Variants in DDX54 observed in about 807,000 individuals in gnomAD.
DDX54 encodes the protein DEAD-box helicase 54.
A neutral mutation model predicts 105.5 loss-of-function variants in DDX54; 67 were observed. The ratio of observed to expected loss-of-function variants is 0.64; its 90% CI spans 0.52 to 0.78. DDX54 has a LOEUF of 0.78. Among genes scored for constraint, DDX54 ranks in the 30% least tolerant of loss-of-function variants. The pLI, the probability that DDX54 is intolerant of heterozygous loss-of-function variation, is 0.00. For synonymous variants in DDX54, 514 were observed against 509.9 expected (o/e 1.01, Z -0.11); for missense variants, 1,206 against 1,230.5 (o/e 0.98, Z 0.30).
In DDX54 at chr12:113,175,110, CGGGCGATGATCTCCTG is replaced by C; in HGVS notation, c.784_799del (p.Gln262AlafsTer45). 1 of 1,613,596 alleles carries C rather than the reference CGGGCGATGATCTCCTG, an allele frequency of 6.2e-7. No homozygotes were observed. Among genetic ancestry groups the C allele is most frequent in the Non-Finnish European group, 8.5e-7 (1 of 1,179,948 alleles). On this transcript the variant is annotated frameshift_variant, in exon 8 of 20. Transcript: ENST00000306014. LOFTEE classifies it high-confidence loss of function. ...CACCGTCTGGTGGCCCCCGGGGAGG[CGGGCGATGATCTCCTG>C]CAGCTGCTCTGCGAAACCCATTTCA...
chr12:113,162,955 C>G lies in DDX54; in HGVS notation c.2172G>C (p.Thr724=). The change falls in exon 17 of 20, where the codon ACG becomes ACC. Residue 724 remains threonine, a synonymous_variant. Coordinates refer to ENST00000306014, the MANE Select transcript of DDX54 (RefSeq NM_024072.4). The part of the protein sequence containing the change: ...DLMGDEAQNL[T]RGRQQLKWDR... Reference sequence around the variant, plus strand: ...ACCACTTGAGCTGCTGCCGGCCCCTCGTCAGGTTCTGGGCTTCATCCCCCA... The same window carrying G: ...ACCACTTGAGCTGCTGCCGGCCCCTGGTCAGGTTCTGGGCTTCATCCCCCA... 1 of 1,605,776 alleles carries G rather than the reference C, an allele frequency of 6.2e-7. No homozygotes were observed. Among genetic ancestry groups the G allele is most frequent in the Non-Finnish European group, 8.5e-7 (1 of 1,178,870 alleles).
chr12:113,169,438 G>A (rs1051328661), intron 12 of DDX54, among the ~76,000 whole-genome samples: 2 of 152,080 alleles, frequency 1.3e-5, no homozygotes, highest in Non-Finnish European at 2.9e-5. Flanking sequence ...CCAACATGGT[G>A]AAACCTTGTC....
intron 3 of DDX54, among the ~76,000 whole-genome samples, chr12:113,179,567 G>A (rs534464300): frequency 1.3e-5 from 2 of 152,310 alleles, no homozygotes; most frequent in Non-Finnish European, 2.9e-5. Context: ...TTCTTCGGAG[G>A]AGCCAGACTC....
chr12:113,180,358 G>T (rs1952452220), intron 2 of DDX54, among the ~76,000 whole-genome samples: 1 of 152,036 alleles, frequency 6.6e-6, no homozygotes, highest in Non-Finnish European at 1.5e-5. Context: ...TGTCTGGAAT[G>T]AACTTCAGAA....
rs779703558 is a variant in DDX54, at chr12:113,179,205, G to A, written c.502C>T (p.Arg168Cys). Residue 168 changes from arginine (R) to cysteine (C), a missense_variant, in exon 4 of 20, where the codon CGC (arginine) becomes TGC (cysteine). By Grantham distance (180) the Arg-to-Cys change is radical (BLOSUM62 -3). Around this residue, in one of 3 missense-constraint regions of DDX54, gnomAD observed 961 missense variants for 1,019.1 expected, o/e 0.94. Transcript: ENST00000306014. ...LKTHSAQTGARALILSPTREL... is the reference protein window; with the variant it reads ...LKTHSAQTGACALILSPTREL... Reference sequence around the variant, plus strand: ...CGGGTCGGCGAGAGGATGAGGGCGCGGGCCCCGGTCTGGGCACTGTGGGTC... The same window carrying A: ...CGGGTCGGCGAGAGGATGAGGGCGCAGGCCCCGGTCTGGGCACTGTGGGTC... 1.9e-5 allele frequency: 30 copies of A among 1,613,960 alleles called. No homozygotes were observed. The highest frequency in any genetic ancestry group is 1.5e-4 in the Admixed American group (9 of 59,996).
Position 113,172,383 on chromosome 12 carries a change from C to T in DDX54, c.1249G>A (p.Ala417Thr), listed in dbSNP as rs750051631. The T allele has an allele frequency of 1.4e-5, 22 of 1,613,994 alleles. No individual in the cohort carries two copies. Among genetic ancestry groups the T allele is most frequent in the African/African-American group, 5.3e-5 (4 of 74,934 alleles). The change falls in exon 11 of 20, where the codon GCC (alanine) becomes ACC (threonine). Residue 417 changes from alanine (A) to threonine (T), a missense_variant. By Grantham distance (58) the Ala-to-Thr change is moderately conservative. This residue lies in a region of DDX54 where 961 missense variants were observed against 1,019.1 expected (regional missense o/e 0.94). Transcript: ENST00000306014. Reference protein sequence around the residue: ...LDNVINYSFPAKGKLFLHRVG... With the variant: ...LDNVINYSFPTKGKLFLHRVG... Reference sequence around the variant, plus strand: ...CGGTGCAGGAAGAGTTTGCCCTTGGCGGGGAAGCTGTAGTTGATGACATTG... The same window carrying T: ...CGGTGCAGGAAGAGTTTGCCCTTGGTGGGGAAGCTGTAGTTGATGACATTG...
rs911335344 is a variant in DDX54, at chr12:113,164,052, G to C, written c.1938+15C>G. 2 of 1,538,492 alleles carry C rather than the reference G, an allele frequency of 1.3e-6. No homozygotes were observed. Among genetic ancestry groups the C allele is most frequent in the East Asian group, 4.9e-5 (2 of 40,572 alleles). On this transcript the variant is annotated intron_variant, in intron 15 of 19. Coordinates refer to ENST00000306014, the MANE Select transcript of DDX54 (RefSeq NM_024072.4). ...CCATACCCCAGGTCCAGGGTCCCCA[G>C]GGTGGAACCTGTACCTCCACACTCT... is the stretch of plus-strand genomic sequence containing the variant.
In DDX54 at chr12:113,158,533, C is replaced by G; in HGVS notation, c.*344G>C. On this transcript the variant is annotated 3_prime_UTR_variant, in exon 20 of 20. Coordinates refer to ENST00000306014, the MANE Select transcript of DDX54 (RefSeq NM_024072.4). This position sits in a 1 kb window ranked among gnomAD's most constrained non-coding sequence, Gnocchi z 4.9. Reference sequence around the variant, plus strand: ...ATTTATTACATTAAAAATTCCATTGCCAAACCCTGAGGCACTCAGGGCTCT... The same window carrying G: ...ATTTATTACATTAAAAATTCCATTGGCAAACCCTGAGGCACTCAGGGCTCT... The G allele has an allele frequency of 4.2e-6, 1 of 237,802 alleles. No homozygotes were observed. 14.7% of individuals were successfully genotyped at this position (237,802 alleles called of 1,614,324 possible).
intron 5 of DDX54, 91 bp from the exon 6 acceptor site, chr12:113,177,184 A>G (rs61941441): frequency 0.013 from 19,138 of 1,473,244 alleles, 172 homozygotes; most frequent in Non-Finnish European, 0.015. Context: ...TGCACACCCC[A>G]TCCCCAGGAA....
Position 113,158,825 on chromosome 12 carries a change from C to A in DDX54, c.*52G>T, listed in dbSNP as rs1201784062. ...ACACAGTGGTGCACGGGAACGTCTGCTGATGCCCACCCTAAGGCCAATCAA... is the reference window on the plus strand; with the variant it reads ...ACACAGTGGTGCACGGGAACGTCTGATGATGCCCACCCTAAGGCCAATCAA... On this transcript the variant is annotated 3_prime_UTR_variant, in exon 20 of 20. Transcript: ENST00000306014. The surrounding 1 kb of genome is among the most constrained non-coding windows in gnomAD (Gnocchi z 4.9). The A allele has an allele frequency of 1.3e-5, 20 of 1,527,634 alleles. No individual in the cohort carries two copies. The highest frequency in any genetic ancestry group is 1.7e-5 in the Non-Finnish European group (19 of 1,130,882). 94.6% of individuals were successfully genotyped at this position (1,527,634 alleles called of 1,614,324 possible). A position where few individuals can be genotyped will look rare whatever the true frequency, so the allele number is the denominator to read the frequency against.
chr12:113,168,913 A>T (rs755198677), intron 12 of DDX54, among the ~76,000 whole-genome samples: 1 of 144,340 alleles, frequency 6.9e-6, no homozygotes, highest in Non-Finnish European at 1.5e-5. Flanking sequence ...CTGGGCAACA[A>T]GAGCGAAACT....
At chr12:113,168,403 C>G (rs1375611529) in intron 12 of DDX54, among the ~76,000 whole-genome samples, 2 of 152,252 alleles carry the variant, frequency 1.3e-5, no homozygotes, top group African/African-American at 4.8e-5. Context: ...CAGCTCCCCA[C>G]CTCCCTGCTG....
chr12:113,167,797 C>T (rs1250411943), intron 12 of DDX54, among the ~76,000 whole-genome samples: 3 of 152,190 alleles, frequency 2.0e-5, no homozygotes, highest in African/African-American at 4.8e-5. Context: ...GCCCCTCCCA[C>T]GCCCATGCAC....
In DDX54 at chr12:113,158,456, TCCAGTTCC is replaced by T. The variant is rs1952162987; in HGVS notation, c.*413_*420del. ...GATTTTAGTACCTGGGTCTCTCCAT[TCCAGTTCC>T]CCAAGTAGACCGCACTCCTGGCCAC... On this transcript the variant is annotated 3_prime_UTR_variant, in exon 20 of 20. Coordinates refer to ENST00000306014, the MANE Select transcript of DDX54 (RefSeq NM_024072.4). This position sits in a 1 kb window ranked among gnomAD's most constrained non-coding sequence, Gnocchi z 4.9. 6.2e-6 allele frequency: 1 copy of T among 161,374 alleles called. No individual in the cohort carries two copies. Among genetic ancestry groups the T allele is most frequent in the African/African-American group, 2.4e-5 (1 of 41,770 alleles). The allele number at this position is 161,374 out of a possible 1,614,324, so 10.0% of individuals were successfully genotyped here.
chr12:113,178,912 T>C lies in DDX54; in HGVS notation c.614+65A>G. 9 of 1,586,988 alleles carry C rather than the reference T, an allele frequency of 5.7e-6. No homozygotes were observed. In the South Asian group the frequency reaches 1.0e-4, roughly 18 times the overall value. Reference sequence around the variant, plus strand: ...AGCAACACAGCTTAAATCGAACTAATGTCCTGGAGACACAGAGATGTGCCT... The same window carrying C: ...AGCAACACAGCTTAAATCGAACTAACGTCCTGGAGACACAGAGATGTGCCT... On this transcript the variant is annotated intron_variant, in intron 5 of 19. Coordinates refer to ENST00000306014, the MANE Select transcript of DDX54 (RefSeq NM_024072.4).
rs1475524216 is a variant in DDX54, at chr12:113,163,310, T to C, written c.1939-36A>G. 2 of 1,590,120 alleles carry C rather than the reference T, an allele frequency of 1.3e-6. No homozygotes were observed. The highest frequency in any genetic ancestry group is 8.5e-7 in the Non-Finnish European group (1 of 1,170,282). On this transcript the variant is annotated intron_variant, in intron 15 of 19. Transcript: ENST00000306014. This position sits in a 1 kb window ranked among gnomAD's most constrained non-coding sequence, Gnocchi z 5.9. ...ACAGACCAAGGCCCAGTGTCATGCC[T>C]GCTGCCCCCTGGGGACTTCCCCCTG...
Position 113,163,195 on chromosome 12 carries a change from G to A in DDX54, c.2018C>T (p.Ala673Val), listed in dbSNP as rs1392710278. 3 of 1,612,512 alleles carry A rather than the reference G, an allele frequency of 1.9e-6. No individual in the cohort carries two copies. The highest frequency in any genetic ancestry group is 2.5e-6 in the Non-Finnish European group (3 of 1,179,980). ...NRGAKRRREE[A>V]RQRDQEFYIP... ...GTAGAATTCCTGGTCCCGCTGCCGG[G>A]CCTCCTCCCTCCGCCTCTTGGCTCC... Residue 673 changes from alanine (A) to valine (V), a missense_variant, in exon 16 of 20, where the codon GCC (alanine) becomes GTC (valine). Around this residue, in one of 3 missense-constraint regions of DDX54, gnomAD observed 961 missense variants for 1,019.1 expected, o/e 0.94. Coordinates refer to ENST00000306014, the MANE Select transcript of DDX54 (RefSeq NM_024072.4). This position sits in a 1 kb window ranked among gnomAD's most constrained non-coding sequence, Gnocchi z 5.9.
chr12:113,173,212 T>C (rs904161243), intron 10 of DDX54, among the ~76,000 whole-genome samples: 64 of 152,148 alleles, frequency 4.2e-4, no homozygotes, highest in Admixed American at 1.3e-4. Context: ...TGAGCTGGCA[T>C]GGTCAGGCAT....
At chr12:113,162,882 A>T (rs1398211701) in intron 17 of DDX54, 50 bp downstream of exon 17, 3 of 1,502,224 alleles carry the variant, frequency 2.0e-6, no homozygotes, top group Non-Finnish European at 2.7e-6. Context: ...GGAGCAGCTC[A>T]CTCGGTCACT....
Sources: gnomAD v4.1 joint callset for allele counts (sites outside exome capture counted in the v4.1 genomes callset) on GRCh38, gnomAD v4.1.1 for gene constraint, gnomAD v4.1.1 regional missense constraint, Gnocchi (gnomAD v3.1) non-coding constraint, MANE v1.5 for transcripts, NCBI Gene and HGNC (gene_info 2026-07-23, HGNC 2026-07-21) for gene names.